CCDC191: variants seen among roughly 807,000 people sequenced by gnomAD.
CCDC191 encodes coiled-coil domain containing 191, also known as coiled-coil domain-containing protein 191.
CCDC191 carries 99 observed loss-of-function variants against 114.0 expected under a neutral mutation model. That is an observed-to-expected ratio of 0.87 (90% CI 0.74 to 1.03). CCDC191 has a LOEUF of 1.03. CCDC191 is among the 50% of genes least tolerant of loss of function. CCDC191 has a pLI of 0.00. For missense variants in CCDC191, 973 were observed against 1,087.0 expected (o/e 0.90, Z 1.47); for synonymous variants, 351 against 376.0 (o/e 0.93, Z 0.77).
At chr3:113,994,065 T>C (rs573376910) in intron 13 of CCDC191, among the ~76,000 whole-genome samples, 44 of 152,220 alleles carry the variant, frequency 2.9e-4, no homozygotes, top group Non-Finnish European at 5.7e-4. Flanking sequence ...TTGACTTTAT[T>C]AAAATTTAAC....
intron 9 of CCDC191, among the ~76,000 whole-genome samples, chr3:114,008,340 A>G (rs77091222): frequency 2.9e-4 from 44 of 152,090 alleles, no homozygotes; most frequent in East Asian, 2.1e-3. Context: ...AATGTTACAC[A>G]TAAGTCCCAA....
At chr3:114,016,501 C>A (rs1418535034) in intron 8 of CCDC191, among the ~76,000 whole-genome samples, 1 of 152,086 alleles carries the variant, frequency 6.6e-6, no homozygotes, top group African/African-American at 2.4e-5. Context: ...GAGGTGCCTT[C>A]CTGCTCTGGG....
intron 8 of CCDC191, among the ~76,000 whole-genome samples, chr3:114,016,922 GAGTAAGCTATC>G (rs1015199669): frequency 6.6e-6 from 1 of 151,970 alleles, no homozygotes; most frequent in Non-Finnish European, 1.5e-5. Flanking sequence ...ATTCCTTTCT[GAGTAAGCTATC>G]ATCCTAATTC....
At chr3:113,984,148 C>A (rs1340175755) in intron 13 of CCDC191, 3 of 152,164 alleles carry the variant, frequency 2.0e-5, no homozygotes, top group Non-Finnish European at 4.4e-5. Flanking sequence ...ACACACATAA[C>A]TGGGCTTATC....
chr3:113,999,335 C>T (rs1289190884), intron 13 of CCDC191, among the ~76,000 whole-genome samples: 1 of 152,266 alleles, frequency 6.6e-6, no homozygotes, highest in South Asian at 2.1e-4. Context: ...TGGCCACTTT[C>T]GGCTCCTTGT....
chr3:114,054,446 T>A (rs1347248369), intron 1 of CCDC191, among the ~76,000 whole-genome samples: 1 of 152,012 alleles, frequency 6.6e-6, no homozygotes, highest in African/African-American at 2.4e-5. Flanking sequence ...TCCTGGCTAA[T>A]ACGGTGAAAC....
intron 9 of CCDC191, among the ~76,000 whole-genome samples, chr3:114,009,583 AC>A (rs2076032822): frequency 6.6e-6 from 1 of 152,198 alleles, no homozygotes; most frequent in Non-Finnish European, 1.5e-5. Flanking sequence ...ATCTTATGGG[AC>A]CACCACTGTG....
chr3:114,036,839 GTATTA>G, intron 4 of CCDC191, 53 bp from the exon 5 acceptor site: 1 of 1,187,756 alleles, frequency 8.4e-7, no homozygotes, highest in East Asian at 2.8e-5. Flanking sequence ...ATTAATTTTA[GTATTA>G]TATTCATATT....
At position 113,971,752 on chromosome 3, in the gene CCDC191, ATTAG is replaced by A. The variant is rs562198163; in HGVS notation, c.2607-6397_2607-6394del. On this transcript the variant is annotated intron_variant, in intron 16 of 16. Coordinates refer to ENST00000295878, the MANE Select transcript of CCDC191 (RefSeq NM_020817.2). ...TTTGAAGAAATTGAGTAGAATTTGT[ATTAG>A]TTCTTCTTTAAAAGTTTGGTACAAT... 5.0e-3 allele frequency among the ~76,000 whole-genome samples: 764 copies of A among 152,154 alleles called. 8 individuals are homozygous for A. Among genetic ancestry groups the A allele is most frequent in the African/African-American group, 0.017 (691 of 41,524 alleles).
Position 113,980,562 on chromosome 3 carries a change from C to A in CCDC191, c.2307+88G>T, listed in dbSNP as rs952084925. ...ATCTTTCTGGCTTTAAATCACCAAA[C>A]CCTACCCTCCCCCAAGCTTAACTGG... On this transcript the variant is annotated intron_variant, in intron 14 of 16. Transcript: ENST00000295878. 1.4e-5 allele frequency: 17 copies of A among 1,250,326 alleles called. No homozygotes were observed. The African/African-American group carries it at 1.6e-4, about 12-fold the overall frequency. The allele number at this position is 1,250,326 out of a possible 1,614,324, so 77.5% of individuals were successfully genotyped here.
intron 13 of CCDC191, among the ~76,000 whole-genome samples, chr3:113,999,201 A>G (rs943938003): frequency 1.7e-4 from 26 of 152,184 alleles, no homozygotes; most frequent in Non-Finnish European, 3.5e-4. Flanking sequence ...TACCACTAGC[A>G]AAATTTTGGC....
At chr3:114,013,728 A>C (rs2076112297) in intron 8 of CCDC191, among the ~76,000 whole-genome samples, 1 of 152,180 alleles carries the variant, frequency 6.6e-6, no homozygotes, top group South Asian at 2.1e-4. Flanking sequence ...AAGAATATAA[A>C]ATACAAAAGG....
At chr3:114,003,832 T>A in intron 11 of CCDC191, 1 of 985,418 alleles carries the variant, frequency 1.0e-6, no homozygotes, top group Non-Finnish European at 1.2e-6. Flanking sequence ...AAATCAAATT[T>A]ACAAACCACA....
intron 7 of CCDC191, among the ~76,000 whole-genome samples, chr3:114,024,621 G>A (rs1015824562): frequency 6.6e-6 from 1 of 151,924 alleles, no homozygotes; most frequent in Admixed American, 6.6e-5. Context: ...AACACCGCAT[G>A]TTCTCACTCA....
chr3:113,980,645 T>C lies in CCDC191; in HGVS notation c.2307+5A>G, dbSNP rs1387806124. On this transcript the variant is annotated splice_donor_5th_base_variant and intron_variant, in intron 14 of 16. Coordinates refer to ENST00000295878, the MANE Select transcript of CCDC191 (RefSeq NM_020817.2). ...AATCTGGGGGATAACAGTGGGACAG[T>C]GTACCTGGATGTTTTGTTTGCTTTG... The C allele has an allele frequency of 6.3e-7, 1 of 1,583,196 alleles. No individual in the cohort carries two copies. Among genetic ancestry groups the C allele is most frequent in the Admixed American group, 2.0e-5 (1 of 50,636 alleles).
Position 114,004,627 on chromosome 3 carries a change from A to G in CCDC191, c.1978+10T>C. ...AACAACCACCAAGGCCACCACCGAG[A>G]CAGCCCTGCCTTTTAGTATGGGATG... On this transcript the variant is annotated intron_variant, in intron 11 of 16. Coordinates refer to ENST00000295878, the MANE Select transcript of CCDC191 (RefSeq NM_020817.2). The G allele has an allele frequency of 6.2e-7, 1 of 1,611,430 alleles. No homozygotes were observed. The highest frequency in any genetic ancestry group is 8.5e-7 in the Non-Finnish European group (1 of 1,178,426).
intron 13 of CCDC191, among the ~76,000 whole-genome samples, chr3:113,996,268 T>C (rs1224975580): frequency 6.6e-6 from 1 of 152,218 alleles, no homozygotes; most frequent in Non-Finnish European, 1.5e-5. Flanking sequence ...CTTTAATCCA[T>C]CTTGAGTTAA....
chr3:114,041,273 A>G (rs1453982273), intron 4 of CCDC191, among the ~76,000 whole-genome samples: 1 of 152,190 alleles, frequency 6.6e-6, no homozygotes, highest in Non-Finnish European at 1.5e-5. Flanking sequence ...AGACCTAGAA[A>G]CCATGTGGTA....
At chr3:114,016,580 T>C (rs2076161977) in intron 8 of CCDC191, among the ~76,000 whole-genome samples, 1 of 152,198 alleles carries the variant, frequency 6.6e-6, no homozygotes, top group Non-Finnish European at 1.5e-5. Context: ...CTCTGGCAGT[T>C]AAAAAATGTT....
Sources: gnomAD v4.1 joint callset for allele counts (sites outside exome capture counted in the v4.1 genomes callset) on GRCh38, gnomAD v4.1.1 for gene constraint, MANE v1.5 for transcripts, NCBI Gene and HGNC (gene_info 2026-07-23, HGNC 2026-07-21) for gene names.